The following DHDDS variants were observed in gnomAD, a reference collection of about 807,000 sequenced individuals.
The protein encoded by DHDDS is dehydrodolichyl diphosphate synthase complex subunit DHDDS.
A neutral mutation model predicts 46.2 loss-of-function variants in DHDDS; 16 were observed. The observed-to-expected ratio is 0.35, with a 90% CI of 0.23 to 0.53. The LOEUF is 0.53. DHDDS is among the 20% of genes least tolerant of loss of function. The pLI is 0.94. For missense variants in DHDDS, 340 were observed against 423.7 expected, an observed-to-expected ratio of 0.80 and a Z score of 1.73; for synonymous variants, 151 against 163.1, an observed-to-expected ratio of 0.93 and a Z score of 0.56.
In DHDDS at chr1:26,468,880, A is replaced by G; in HGVS notation, c.766-15A>G. On this transcript the variant is annotated splice_polypyrimidine_tract_variant and intron_variant, in intron 8 of 8. Transcript: ENST00000236342. ...AAATGATCTCCCCACCCCAATCCCC[A>G]CTTTTCTCTAGCAGAAGGCCCGAGA... 3.1e-6 allele frequency: 4 copies of G among 1,273,884 alleles called. No homozygotes were observed. The highest frequency in any genetic ancestry group is 4.0e-6 in the Non-Finnish European group (4 of 988,242). The allele number at this position is 1,273,884 out of a possible 1,614,324, so 78.9% of individuals were successfully genotyped here. A position where few individuals can be genotyped will look rare whatever the true frequency, so the allele number is the denominator to read the frequency against.
At chr1:26,434,055 T>C (rs1333085675) in intron 2 of DHDDS, among the ~76,000 whole-genome samples, 1 of 152,214 alleles carries the variant, frequency 6.6e-6, no homozygotes, top group Non-Finnish European at 1.5e-5. Context: ...TTCTATCATT[T>C]AGTAATCATG....
chr1:26,442,842 C>G lies in DHDDS; in HGVS notation c.292C>G (p.Arg98Gly), dbSNP rs754564043. 3 of 1,614,060 alleles carry G rather than the reference C, an allele frequency of 1.9e-6. No individual in the cohort carries two copies. In the South Asian group the frequency reaches 3.3e-5, roughly 18 times the overall value. The change falls in exon 4 of 9, where the codon CGG becomes GGG. Residue 98 changes from arginine to glycine, a missense_variant. This residue lies in a region of DHDDS where 268 missense variants were observed against 300.3 expected (regional missense o/e 0.89). Transcript: ENST00000236342. ...GGTAGACGGGCTTATGGATCTGGCC[C>G]GGCAGAAGTTCAGCCGCTTGATGGA... ...SEVDGLMDLARQKFSRLMEEK... is the reference protein window; with the variant it reads ...SEVDGLMDLAGQKFSRLMEEK...
intron 6 of DHDDS, among the ~76,000 whole-genome samples, chr1:26,450,210 C>A (rs765432632): frequency 6.6e-6 from 1 of 152,148 alleles, no homozygotes; most frequent in African/African-American, 2.4e-5. Flanking sequence ...GGCTGGAGTG[C>A]AGTGGGGCAA....
intron 8 of DHDDS, 51 bp from the exon 9 acceptor site, chr1:26,468,844 C>T (rs780755119): frequency 6.8e-7 from 1 of 1,462,280 alleles, no homozygotes. Context: ...CCCAGTTTCA[C>T]CCACTCCTAA....
intron 6 of DHDDS, among the ~76,000 whole-genome samples, chr1:26,451,191 C>T (rs1290255756): frequency 6.6e-6 from 1 of 152,154 alleles, no homozygotes; most frequent in African/African-American, 2.4e-5. Flanking sequence ...TCTCAACCCA[C>T]CAACTCCTGA....
At chr1:26,440,283 T>C (rs1269952527) in intron 3 of DHDDS, among the ~76,000 whole-genome samples, 1 of 152,242 alleles carries the variant, frequency 6.6e-6, no homozygotes, top group African/African-American at 2.4e-5. Context: ...CAGAACCTTG[T>C]AGAAGTCTTT....
chr1:26,463,707 T>C (rs2075449504), intron 8 of DHDDS, among the ~76,000 whole-genome samples: 1 of 152,084 alleles, frequency 6.6e-6, no homozygotes, highest in Non-Finnish European at 1.5e-5. Context: ...GGTTTCTCCA[T>C]GTTGGTCAGG....
At chr1:26,440,126 G>A (rs2075203773) in intron 3 of DHDDS, among the ~76,000 whole-genome samples, 2 of 152,192 alleles carry the variant, frequency 1.3e-5, no homozygotes, top group South Asian at 4.1e-4. Context: ...GCAACAGAGT[G>A]AGACTCCGTC....
rs771106680 is a variant in DHDDS, at chr1:26,468,923, G to A, written c.794G>A (p.Arg265Gln). The change falls in exon 9 of 9, where the codon CGG becomes CAG. Residue 265 changes from arginine to glutamine, a missense_variant. Around this residue, in one of 2 missense-constraint regions of DHDDS, gnomAD observed 268 missense variants for 300.3 expected, o/e 0.89. Coordinates refer to ENST00000236342, the MANE Select transcript of DHDDS (RefSeq NM_205861.3). ...GCCCGAGACATGTATGCAGAGGAGC[G>A]GAAGAGGCAGCAGCTGGAGAGGGAC... ...QKARDMYAEE[R>Q]KRQQLERDQA... 3 of 1,614,032 alleles carry A rather than the reference G, an allele frequency of 1.9e-6. No homozygotes were observed. The highest frequency in any genetic ancestry group is 1.7e-6 in the Non-Finnish European group (2 of 1,180,010).
intron 2 of DHDDS, among the ~76,000 whole-genome samples, 181 bp from the exon 3 acceptor site, chr1:26,437,987 A>G (rs1342639582): frequency 6.6e-6 from 1 of 152,150 alleles, no homozygotes; most frequent in Non-Finnish European, 1.5e-5. Context: ...CCTCAAAATA[A>G]AGTAAGTAAC....
intron 6 of DHDDS, chr1:26,447,960 T>C (rs973821387): frequency 1.4e-5 from 8 of 584,046 alleles, no homozygotes; most frequent in Non-Finnish European, 2.1e-5. Flanking sequence ...GAGATTAGGA[T>C]TGGCTTATTA....
At position 26,438,215 on chromosome 1, in the gene DHDDS, T is replaced by G. The variant is rs2075181248; in HGVS notation, c.111T>G (p.Arg37=). The G allele has an allele frequency of 6.2e-7, 1 of 1,614,088 alleles. No individual in the cohort carries two copies. The highest frequency in any genetic ancestry group is 1.3e-5 in the African/African-American group (1 of 75,068). Residue 37 remains arginine (R), a synonymous_variant, in exon 3 of 9, where the codon CGT becomes CGG. Coordinates refer to ENST00000236342, the MANE Select transcript of DHDDS (RefSeq NM_205861.3). ...KHIAFIMDGN[R]RYAKKCQVER... Reference sequence around the variant, plus strand: ...TTGCATTCATAATGGACGGGAACCGTCGCTATGCCAAGAAGTGCCAGGTGG... The same window carrying G: ...TTGCATTCATAATGGACGGGAACCGGCGCTATGCCAAGAAGTGCCAGGTGG...
chr1:26,461,511 G>T (rs1403826275), intron 8 of DHDDS, among the ~76,000 whole-genome samples: 1 of 150,560 alleles, frequency 6.6e-6, no homozygotes, highest in South Asian at 2.1e-4. Flanking sequence ...TCACCCTCCC[G>T]AGTAGCTGGG....
intron 4 of DHDDS, among the ~76,000 whole-genome samples, chr1:26,444,851 A>G (rs1171520857): frequency 6.6e-6 from 1 of 152,256 alleles, no homozygotes; most frequent in African/African-American, 2.4e-5. Flanking sequence ...CTATACCACA[A>G]GCTAGCAGGA....
intron 8 of DHDDS, among the ~76,000 whole-genome samples, chr1:26,467,746 G>T (rs944315532): frequency 2.0e-5 from 3 of 152,202 alleles, no homozygotes; most frequent in South Asian, 4.1e-4. Context: ...GGTCATCAGG[G>T]TATAGGATAC....
At chr1:26,454,638 T>C (rs2075353976) in intron 6 of DHDDS, 5 of 1,198,194 alleles carry the variant, frequency 4.2e-6, no homozygotes, top group Admixed American at 3.6e-5. Flanking sequence ...CTGAATTTAC[T>C]CCTGTGCCAT....
In DHDDS at chr1:26,470,714, C is replaced by T. The variant is rs1041900005; in HGVS notation, c.*1583C>T. ...AAAGCCCCCATCCACACCTGGCACT[C>T]CCCTCTACCAATCCCTGGCACAGGG... On this transcript the variant is annotated 3_prime_UTR_variant, in exon 9 of 9. Coordinates refer to ENST00000236342, the MANE Select transcript of DHDDS (RefSeq NM_205861.3). The T allele has an allele frequency of 6.5e-6, 1 of 152,688 alleles. No homozygotes were observed. Among genetic ancestry groups the T allele is most frequent in the African/African-American group, 2.4e-5 (1 of 41,440 alleles). The allele number at this position is 152,688 out of a possible 1,614,324, so 9.5% of individuals were successfully genotyped here. A position where few individuals can be genotyped will look rare whatever the true frequency, so the allele number is the denominator to read the frequency against.
At chr1:26,439,862 C>T (rs1030001024) in intron 3 of DHDDS, among the ~76,000 whole-genome samples, 2 of 152,290 alleles carry the variant, frequency 1.3e-5, no homozygotes, top group East Asian at 1.9e-4. Flanking sequence ...AATGGAGGGC[C>T]GGGCGCGGTG....
At chr1:26,442,959 C>T (rs1340174320) in intron 4 of DHDDS, 86 bp downstream of exon 4, 12 of 1,601,318 alleles carry the variant, frequency 7.5e-6, no homozygotes, top group Non-Finnish European at 1.0e-5. Flanking sequence ...CTGAGGCTTA[C>T]TTAAGGGACT....
Sources: allele counts gnomAD v4.1 joint callset (sites outside exome capture counted in the v4.1 genomes callset), GRCh38; gene constraint gnomAD v4.1.1; regional missense constraint gnomAD v4.1.1; transcripts MANE v1.5; gene names NCBI Gene and HGNC (gene_info 2026-07-23, HGNC 2026-07-21).